Variants in ELP4 observed in about 807,000 individuals in gnomAD.
The protein encoded by ELP4 is elongator complex protein 4.
In ELP4, 51 loss-of-function variants were observed where a neutral mutation model predicts 48.9. The ratio of observed to expected loss-of-function variants is 1.04; its 90% CI spans 0.83 to 1.32. ELP4 has a LOEUF of 1.32. Among genes scored for constraint, ELP4 ranks in the 40% most tolerant of loss-of-function variants. The pLI, the probability that ELP4 is intolerant of heterozygous loss-of-function variation, is 0.00. For synonymous variants in ELP4, 210 were observed against 189.2 expected (o/e 1.11, Z -0.90); for missense variants, 519 against 514.6 (o/e 1.01, Z -0.08).
chr11:31,524,394 G>A (rs1592082583), intron 2 of ELP4, among the ~76,000 whole-genome samples: 1 of 152,254 alleles, frequency 6.6e-6, no homozygotes, highest in East Asian at 1.9e-4. Context: ...CTCTCCATAG[G>A]GCATCTCACA....
At chr11:31,642,674 T>A (rs1342848883) in intron 7 of ELP4, among the ~76,000 whole-genome samples, 1 of 151,974 alleles carries the variant, frequency 6.6e-6, no homozygotes, top group East Asian at 1.9e-4. Context: ...GACTTGAAGT[T>A]CCGTGTTAAA....
At position 31,547,081 on chromosome 11, in the gene ELP4, G is replaced by A. The variant is rs1178718683; in HGVS notation, c.381+7298G>A. 2.4e-4 allele frequency among the ~76,000 whole-genome samples: 37 copies of A among 152,022 alleles called. No homozygotes were observed. The East Asian group carries it at 5.4e-3, about 22-fold the overall frequency. On this transcript the variant is annotated intron_variant, in intron 3 of 9. Coordinates refer to ENST00000640961, the MANE Select transcript of ELP4 (RefSeq NM_019040.5). Reference sequence around the variant, plus strand: ...TAACATCACAATTAAAAGAACTAGAGAACCAAGAGCAAACACATTGAAAAG... The same window carrying A: ...TAACATCACAATTAAAAGAACTAGAAAACCAAGAGCAAACACATTGAAAAG...
intron 9 of ELP4, among the ~76,000 whole-genome samples, chr11:31,661,948 A>G (rs185738902): frequency 7.2e-5 from 11 of 152,172 alleles, no homozygotes; most frequent in African/African-American, 2.4e-4. Context: ...TACCACTTCC[A>G]TAACAGAATC....
intron 4 of ELP4, among the ~76,000 whole-genome samples, chr11:31,596,915 T>G (rs1028199880): frequency 6.6e-6 from 1 of 152,134 alleles, no homozygotes; most frequent in Non-Finnish European, 1.5e-5. Flanking sequence ...ATTTCAGTTT[T>G]AATGAGAGAA....
At chr11:31,718,665 G>A (rs1261810968) in intron 9 of ELP4, among the ~76,000 whole-genome samples, 1 of 152,206 alleles carries the variant, frequency 6.6e-6, no homozygotes, top group Non-Finnish European at 1.5e-5. Context: ...CCTGTGTGTA[G>A]CCTTTGCATG....
At chr11:31,612,874 G>T (rs968915224) in intron 5 of ELP4, among the ~76,000 whole-genome samples, 3 of 152,152 alleles carry the variant, frequency 2.0e-5, no homozygotes, top group African/African-American at 7.2e-5. Context: ...TTGTTTGTTA[G>T]TTTCATTTTC....
chr11:31,659,023 T>A (rs1053336327), intron 9 of ELP4, among the ~76,000 whole-genome samples: 1 of 152,058 alleles, frequency 6.6e-6, no homozygotes, highest in Non-Finnish European at 1.5e-5. Flanking sequence ...ATGAAAAAGT[T>A]TTCTGCATTT....
Position 31,786,118 on chromosome 11 carries a change from T to A in ELP4, c.*2594T>A, listed in dbSNP as rs1225305789. 9.9e-6 allele frequency: 2 copies of A among 202,116 alleles called. No individual in the cohort carries two copies. The highest frequency in any genetic ancestry group is 2.0e-5 in the Non-Finnish European group (2 of 98,366). 12.5% of individuals were successfully genotyped at this position (202,116 alleles called of 1,614,324 possible). On this transcript the variant is annotated 3_prime_UTR_variant, in exon 10 of 10. Coordinates refer to ENST00000640961, the MANE Select transcript of ELP4 (RefSeq NM_019040.5). Reference sequence around the variant, plus strand: ...ACAATATCTACTTTTCTCTTCCATTTATTCCTTATGTCCACCTCCAGGATC... The same window carrying A: ...ACAATATCTACTTTTCTCTTCCATTAATTCCTTATGTCCACCTCCAGGATC...
At chr11:31,625,281 C>A (rs1944716499) in intron 5 of ELP4, among the ~76,000 whole-genome samples, 1 of 151,574 alleles carries the variant, frequency 6.6e-6, no homozygotes, top group Non-Finnish European at 1.5e-5. Context: ...CATCATTGAC[C>A]AAAACGTCCC....
intron 9 of ELP4, among the ~76,000 whole-genome samples, chr11:31,762,711 A>AT (rs1220420187): frequency 6.6e-6 from 1 of 151,798 alleles, no homozygotes; most frequent in Non-Finnish European, 1.5e-5. Context: ...TAGCTAAAAT[A>AT]TAGATTTTTT....
At chr11:31,510,980 C>T (rs1401279490) in intron 1 of ELP4, 1 of 152,116 alleles carries the variant, frequency 6.6e-6, no homozygotes, top group Non-Finnish European at 1.5e-5. Flanking sequence ...TAACTCATTG[C>T]TTGTTCTTGT....
At chr11:31,743,125 A>G (rs1947496165) in intron 9 of ELP4, among the ~76,000 whole-genome samples, 1 of 152,224 alleles carries the variant, frequency 6.6e-6, no homozygotes, top group African/African-American at 2.4e-5. Context: ...AACAGACTTT[A>G]AACCAACAAA....
intron 5 of ELP4, among the ~76,000 whole-genome samples, chr11:31,607,947 T>G (rs1957904755): frequency 6.6e-6 from 1 of 152,174 alleles, no homozygotes; most frequent in Non-Finnish European, 1.5e-5. Context: ...CTCCTTTTTT[T>G]TGCAGTAAGT....
intron 2 of ELP4, among the ~76,000 whole-genome samples, chr11:31,537,789 A>G (rs1317091442): frequency 3.3e-5 from 5 of 152,126 alleles, no homozygotes; most frequent in Non-Finnish European, 7.4e-5. Context: ...CCCACCTCCA[A>G]CACCGGGGAC....
At chr11:31,612,701 TA>T (rs1385779671) in intron 5 of ELP4, among the ~76,000 whole-genome samples, 1 of 152,150 alleles carries the variant, frequency 6.6e-6, no homozygotes, top group Non-Finnish European at 1.5e-5. Flanking sequence ...AGCAAGCTAC[TA>T]AAATAAGTAA....
intron 3 of ELP4, among the ~76,000 whole-genome samples, chr11:31,550,394 T>C (rs1429074001): frequency 6.6e-6 from 1 of 152,124 alleles, no homozygotes; most frequent in Non-Finnish European, 1.5e-5. Context: ...TCAAAAAGTT[T>C]GTGGAAAAAT....
chr11:31,524,360 G>C (rs546308820), intron 2 of ELP4, among the ~76,000 whole-genome samples: 1 of 152,214 alleles, frequency 6.6e-6, no homozygotes. Context: ...TCAGCTCCTT[G>C]CTGATTGGCA....
rs1397084510 is a variant in ELP4 at position 31,575,750 on chromosome 11, C to T, written c.382-19020C>T. ...CAGACAAACAAATGCTGAGAGATTT[C>T]GTTACCACCAGGCTTGCCTTACAGG... On this transcript the variant is annotated intron_variant, in intron 3 of 9. Transcript: ENST00000640961. Among the ~76,000 whole-genome samples the T allele has an allele frequency of 3.9e-5, 6 of 152,070 alleles. 1 individual carries two copies. Among genetic ancestry groups the T allele is most frequent in the South Asian group, 4.1e-4 (2 of 4,822 alleles).
At chr11:31,647,934 C>T (rs1215428053) in intron 8 of ELP4, 85 bp downstream of exon 8, 1 of 764,634 alleles carries the variant, frequency 1.3e-6, no homozygotes, top group Non-Finnish European at 2.3e-6. Context: ...CAAATATCTA[C>T]TGTCAAGGAG....
Sources: allele counts gnomAD v4.1 joint callset (sites outside exome capture counted in the v4.1 genomes callset), GRCh38; gene constraint gnomAD v4.1.1; transcripts MANE v1.5; gene names NCBI Gene and HGNC (gene_info 2026-07-23, HGNC 2026-07-21).